Variants in NEO1 observed in about 807,000 individuals in gnomAD.
NEO1 encodes the protein neogenin.
NEO1 carries 63 observed loss-of-function variants against 159.7 expected under a neutral mutation model. The observed-to-expected ratio is 0.39, with a 90% CI of 0.32 to 0.49. The LOEUF (loss-of-function observed/expected upper bound fraction) is 0.49. Among genes scored for constraint, NEO1 ranks in the 20% least tolerant of loss-of-function variants. NEO1 has a pLI of 0.85. For missense variants in NEO1, 1,615 were observed against 1,831.0 expected, an observed-to-expected ratio of 0.88 and a Z score of 2.15; for synonymous variants, 633 against 662.0, an observed-to-expected ratio of 0.96 and a Z score of 0.67.
rs1327456712 is a variant in NEO1, at chr15:73,293,522, C to G, written c.3875C>G (p.Ser1292Cys). The change falls in exon 26 of 29, where the codon TCC becomes TGC. Residue 1292 changes from serine (S) to cysteine (C), a missense_variant. Physicochemically the swap from Ser to Cys is moderately radical, Grantham distance 112. Around this residue, in one of 3 missense-constraint regions of NEO1, gnomAD observed 471 missense variants for 498.9 expected, o/e 0.94. Transcript: ENST00000261908. ...GSPWPIGTSM[S>C]LSDRANSTES... ...CCATGGCCCATTGGCACATCCATGT[C>G]CCTTTCAGACAGGGCCAATTCCACA... is the stretch of plus-strand genomic sequence containing the variant. The G allele has an allele frequency of 2.5e-6, 4 of 1,614,038 alleles. No individual in the cohort carries two copies. The highest frequency in any genetic ancestry group is 3.4e-6 in the Non-Finnish European group (4 of 1,180,040).
chr15:73,094,660 T>C (rs188682600), intron 1 of NEO1, among the ~76,000 whole-genome samples: 2 of 152,350 alleles, frequency 1.3e-5, no homozygotes, highest in African/African-American at 2.4e-5. Context: ...CCTGTTTTCT[T>C]CTTTGTCATT....
chr15:73,187,927 A>T (rs549464146), intron 7 of NEO1, among the ~76,000 whole-genome samples: 33 of 152,324 alleles, frequency 2.2e-4, no homozygotes, highest in African/African-American at 5.8e-4. Context: ...CGCAATGCTA[A>T]TGAACACAAA....
intron 5 of NEO1, among the ~76,000 whole-genome samples, chr15:73,167,719 G>A (rs965423265): frequency 2.6e-5 from 4 of 152,158 alleles, no homozygotes; most frequent in Admixed American, 2.0e-4. Flanking sequence ...TAAAGAAGTG[G>A]AGCCTATATT....
chr15:73,200,283 T>A (rs2036786591), intron 7 of NEO1, among the ~76,000 whole-genome samples: 1 of 151,372 alleles, frequency 6.6e-6, no homozygotes, highest in South Asian at 2.1e-4. Context: ...AATTTGTGTC[T>A]TTTAAGAAAT....
chr15:73,265,159 A>G (rs1255067459), intron 15 of NEO1, among the ~76,000 whole-genome samples: 1 of 152,232 alleles, frequency 6.6e-6, no homozygotes, highest in Non-Finnish European at 1.5e-5. Flanking sequence ...ACAGAGAACT[A>G]GGCAAAGAGT....
At chr15:73,175,098 T>C (rs984773468) in intron 5 of NEO1, among the ~76,000 whole-genome samples, 1 of 152,184 alleles carries the variant, frequency 6.6e-6, no homozygotes, top group Non-Finnish European at 1.5e-5. Context: ...AAAAAAGTTC[T>C]TTTTTAAAAA....
At position 73,195,807 on chromosome 15, in the gene NEO1, G is replaced by A. The variant is rs577780363; in HGVS notation, c.1291+17380G>A. Among the ~76,000 whole-genome samples, 11 of 152,182 alleles carry A rather than the reference G, an allele frequency of 7.2e-5. 1 individual carries two copies. In the South Asian group the frequency reaches 2.3e-3, roughly 32 times the overall value. On this transcript the variant is annotated intron_variant, in intron 7 of 28. Transcript: ENST00000261908. ...TCATTTTACACTCTTTTACAAATTTGAGTAGTTGTAGTTTATTATAGAATA... is the reference window on the plus strand; with the variant it reads ...TCATTTTACACTCTTTTACAAATTTAAGTAGTTGTAGTTTATTATAGAATA...
At chr15:73,282,817 A>G in intron 22 of NEO1, 147 bp from the exon 23 acceptor site, 1 of 893,552 alleles carries the variant, frequency 1.1e-6, no homozygotes, top group Non-Finnish European at 1.7e-6. Flanking sequence ...TAGAGAAGAG[A>G]GCCATGTTCA....
intron 26 of NEO1, 164 bp from the exon 27 acceptor site, chr15:73,298,184 C>T: frequency 3.7e-6 from 3 of 805,020 alleles, no homozygotes; most frequent in Non-Finnish European, 5.7e-6. Context: ...TTCGAGACTC[C>T]ATTCTTATCC....
chr15:73,221,876 G>A (rs1404495797), intron 7 of NEO1: 6 of 154,184 alleles, frequency 3.9e-5, no homozygotes, highest in South Asian at 2.0e-4. Context: ...GACCCCTTGC[G>A]CTTCCTGAGT....
intron 1 of NEO1, among the ~76,000 whole-genome samples, chr15:73,082,332 G>A (rs2069110236): frequency 6.6e-6 from 1 of 152,008 alleles, no homozygotes; most frequent in African/African-American, 2.4e-5. Flanking sequence ...GGTAAATTTT[G>A]ACTGATGTGT....
At chr15:73,219,228 C>G (rs1164571952) in intron 7 of NEO1, among the ~76,000 whole-genome samples, 2 of 151,890 alleles carry the variant, frequency 1.3e-5, no homozygotes, top group African/African-American at 4.8e-5. Flanking sequence ...TGTAGTTGAG[C>G]GGCTTTGAGT....
chr15:73,240,716 C>A (rs11072407), intron 8 of NEO1, among the ~76,000 whole-genome samples: 43,827 of 151,992 alleles, frequency 0.29, 7,375 homozygotes, highest in East Asian at 0.57. Context: ...TGCTAGTCGT[C>A]GGCTTGGATG....
At chr15:73,146,217 C>G (rs1431283114) in intron 5 of NEO1, among the ~76,000 whole-genome samples, 1 of 152,192 alleles carries the variant, frequency 6.6e-6, no homozygotes, top group Non-Finnish European at 1.5e-5. Flanking sequence ...TTCTACCCTA[C>G]TAGACTGAGT....
At chr15:73,069,817 A>G (rs1238717653) in intron 1 of NEO1, among the ~76,000 whole-genome samples, 1 of 152,198 alleles carries the variant, frequency 6.6e-6, no homozygotes, top group African/African-American at 2.4e-5. Flanking sequence ...TAAGGTAGGT[A>G]GGACATGAGA....
intron 7 of NEO1, among the ~76,000 whole-genome samples, chr15:73,199,750 A>G (rs919451884): frequency 3.3e-5 from 5 of 152,196 alleles, no homozygotes; most frequent in Non-Finnish European, 7.3e-5. Context: ...CAAGGTGCCA[A>G]CAGGTTTGGT....
At chr15:73,290,306 T>A (rs1198290886) in intron 25 of NEO1, among the ~76,000 whole-genome samples, 4 of 136,722 alleles carry the variant, frequency 2.9e-5, no homozygotes, top group Non-Finnish European at 4.6e-5. Context: ...AGTGTCACGA[T>A]CTCAGCTCAC....
chr15:73,097,798 T>TG (rs58296942), intron 1 of NEO1, among the ~76,000 whole-genome samples: 3 of 104,726 alleles, frequency 2.9e-5, no homozygotes, highest in Non-Finnish European at 7.1e-5. Flanking sequence ...TTTTTTTTTT[T>TG]GTAAGTTCTT....
At chr15:73,206,277 C>CTCCTGTT (rs2037220421) in intron 7 of NEO1, among the ~76,000 whole-genome samples, 1 of 152,084 alleles carries the variant, frequency 6.6e-6, no homozygotes, top group African/African-American at 2.4e-5. Context: ...TTGAAGTTTT[C>CTCCTGTT]TCCTGTTTCC....
Sources: gnomAD v4.1 joint callset for allele counts (sites outside exome capture counted in the v4.1 genomes callset) on GRCh38, gnomAD v4.1.1 for gene constraint, gnomAD v4.1.1 regional missense constraint, MANE v1.5 for transcripts, NCBI Gene and HGNC (gene_info 2026-07-23, HGNC 2026-07-21) for gene names.